STK4: variants seen among roughly 807,000 people sequenced by gnomAD.
STK4 encodes serine/threonine-protein kinase 4.
Under a neutral mutation model 64.9 loss-of-function variants are expected in STK4, and 30 were observed. The observed-to-expected ratio is 0.46, with a 90% CI of 0.35 to 0.63. The LOEUF is 0.63. Among genes scored for constraint, STK4 ranks in the 20% least tolerant of loss-of-function variants. The pLI, the probability that STK4 is intolerant of heterozygous loss-of-function variation, is 0.01. For missense variants in STK4, 466 were observed against 598.5 expected, an observed-to-expected ratio of 0.78 and a Z score of 2.31; for synonymous variants, 177 against 199.0, an observed-to-expected ratio of 0.89 and a Z score of 0.93.
At chr20:45,035,738 A>G (rs548066394) in intron 10 of STK4, among the ~76,000 whole-genome samples, 2 of 152,284 alleles carry the variant, frequency 1.3e-5, no homozygotes, top group South Asian at 4.1e-4. Flanking sequence ...TTTCAAATTA[A>G]ACTCAGACAT....
intron 10 of STK4, among the ~76,000 whole-genome samples, chr20:45,057,995 G>C (rs773290871): frequency 4.0e-5 from 6 of 151,588 alleles, no homozygotes; most frequent in Non-Finnish European, 7.4e-5. Flanking sequence ...ATCTTTTTTA[G>C]AGTCTTCAAC....
intron 4 of STK4, 45 bp downstream of exon 4, chr20:44,981,988 C>G: frequency 7.4e-7 from 1 of 1,343,932 alleles, no homozygotes; most frequent in Non-Finnish European, 1.1e-6. Flanking sequence ...GTTTCTTATG[C>G]CATCTTCTTT....
chr20:45,031,437 C>T (rs2068440916), intron 10 of STK4, among the ~76,000 whole-genome samples: 1 of 152,106 alleles, frequency 6.6e-6, no homozygotes, highest in Admixed American at 6.5e-5. Flanking sequence ...GCACTAAAAT[C>T]TCCTATTAGA....
At chr20:45,063,850 C>G (rs1979321346) in intron 10 of STK4, among the ~76,000 whole-genome samples, 1 of 151,422 alleles carries the variant, frequency 6.6e-6, no homozygotes, top group South Asian at 2.1e-4. Flanking sequence ...CTCTGTCACC[C>G]AGGCTGGAGT....
At chr20:44,992,599 T>C (rs938131890) in intron 5 of STK4, among the ~76,000 whole-genome samples, 2 of 152,132 alleles carry the variant, frequency 1.3e-5, no homozygotes, top group Admixed American at 1.3e-4. Flanking sequence ...CTTGAACTTC[T>C]GGGCTCAAGT....
At chr20:44,976,659 T>G (rs2067342688) in intron 2 of STK4, among the ~76,000 whole-genome samples, 1 of 152,150 alleles carries the variant, frequency 6.6e-6, no homozygotes, top group Non-Finnish European at 1.5e-5. Flanking sequence ...AAAGACAGTT[T>G]CAGACATACA....
intron 9 of STK4, among the ~76,000 whole-genome samples, chr20:45,017,406 A>G (rs2068161786): frequency 6.6e-6 from 1 of 152,226 alleles, no homozygotes; most frequent in Non-Finnish European, 1.5e-5. Flanking sequence ...TGGTACAGGA[A>G]AGCGTTAAAG....
intron 5 of STK4, among the ~76,000 whole-genome samples, chr20:44,988,302 G>A (rs1225428656): frequency 3.3e-5 from 5 of 151,536 alleles, no homozygotes; most frequent in African/African-American, 1.2e-4. Flanking sequence ...ATCACTTGAG[G>A]TTAGGAGTTC....
intron 10 of STK4, among the ~76,000 whole-genome samples, chr20:45,027,561 G>A (rs1469478863): frequency 6.6e-6 from 1 of 151,954 alleles, no homozygotes; most frequent in Non-Finnish European, 1.5e-5. Flanking sequence ...TTCATAATGT[G>A]TAGTGATCAA....
chr20:45,070,881 G>A lies in STK4; in HGVS notation c.1306-4137G>A, dbSNP rs1156365744. ...TGCCTGGGGGACAGAGCCAGACTCC[G>A]TCTCAAAAAAAAAAAAAAAAAAATC... On this transcript the variant is annotated intron_variant, in intron 10 of 10. Transcript: ENST00000372806. Among the ~76,000 whole-genome samples, 14 of 108,362 alleles carry A rather than the reference G, an allele frequency of 1.3e-4. No homozygotes were observed. In the East Asian group the frequency reaches 2.1e-3, roughly 16 times the overall value. The allele number at this position is 108,362 out of a possible 152,430, so 71.1% of individuals were successfully genotyped here.
intron 9 of STK4, chr20:45,007,774 C>A: frequency 2.4e-6 from 1 of 418,312 alleles, no homozygotes; most frequent in East Asian, 7.2e-5. Context: ...TAAAAAATTT[C>A]AACTTTTATT....
At chr20:45,042,274 GT>G (rs141937707) in intron 10 of STK4, among the ~76,000 whole-genome samples, 5 of 150,376 alleles carry the variant, frequency 3.3e-5, no homozygotes, top group Non-Finnish European at 7.4e-5. Context: ...TTTACCTCCT[GT>G]TTTTTTTTCT....
chr20:44,972,047 G>C, intron 1 of STK4, 31 bp from the exon 2 acceptor site: 1 of 1,589,142 alleles, frequency 6.3e-7, no homozygotes, highest in Non-Finnish European at 8.6e-7. Context: ...CAAATAAAAT[G>C]TATTTTGTGT....
chr20:45,028,928 G>A (rs1487636156), intron 10 of STK4, among the ~76,000 whole-genome samples: 1 of 152,128 alleles, frequency 6.6e-6, no homozygotes, highest in Non-Finnish European at 1.5e-5. Context: ...ATGACTTCTA[G>A]GGGGAGTGGG....
At chr20:44,983,681 T>C (rs6017453) in intron 4 of STK4, among the ~76,000 whole-genome samples, 75,894 of 151,966 alleles carry the variant, frequency 0.5, 19,679 homozygotes, top group African/African-American at 0.6. Context: ...AGTGGAGAAG[T>C]AGAGAAAATC....
At chr20:45,007,496 G>T (rs182324852) in intron 9 of STK4, among the ~76,000 whole-genome samples, 2 of 151,904 alleles carry the variant, frequency 1.3e-5, no homozygotes, top group South Asian at 4.1e-4. Flanking sequence ...GCAGTGAGCC[G>T]AAATCGCGCC....
intron 10 of STK4, among the ~76,000 whole-genome samples, chr20:45,069,268 TC>T (rs1366159843): frequency 6.6e-6 from 1 of 152,168 alleles, no homozygotes; most frequent in African/African-American, 2.4e-5. Context: ...CTGTGATCTC[TC>T]CCAGAAAGAG....
At chr20:44,984,672 G>C (rs767632602) in intron 4 of STK4, among the ~76,000 whole-genome samples, 2 of 152,086 alleles carry the variant, frequency 1.3e-5, no homozygotes, top group Non-Finnish European at 2.9e-5. Flanking sequence ...AAGAATTATT[G>C]CCATAAAAAT....
At chr20:45,044,066 G>T (rs972010346) in intron 10 of STK4, among the ~76,000 whole-genome samples, 1 of 152,166 alleles carries the variant, frequency 6.6e-6, no homozygotes, top group African/African-American at 2.4e-5. Context: ...GTGATCATAG[G>T]TATCAATTTT....
Sources: allele counts gnomAD v4.1 joint callset (sites outside exome capture counted in the v4.1 genomes callset), GRCh38; gene constraint gnomAD v4.1.1; transcripts MANE v1.5; gene names NCBI Gene and HGNC (gene_info 2026-07-23, HGNC 2026-07-21).